The following SNTG1 variants were observed in gnomAD, a reference collection of about 807,000 sequenced individuals.
The protein encoded by SNTG1 is syntrophin gamma 1.
A neutral mutation model predicts 74.7 loss-of-function variants in SNTG1; 39 were observed. That is an observed-to-expected ratio of 0.52 (90% CI 0.40 to 0.68). The LOEUF is 0.68. Among genes scored for constraint, SNTG1 ranks in the 30% least tolerant of loss-of-function variants. SNTG1 has a pLI of 0.00. For synonymous variants in SNTG1, 254 were observed against 217.1 expected (o/e 1.17, Z -1.49); for missense variants, 685 against 609.5 (o/e 1.12, Z -1.30).
At chr8:50,244,872 C>G (rs574056768) in intron 2 of SNTG1, among the ~76,000 whole-genome samples, 25 of 152,216 alleles carry the variant, frequency 1.6e-4, no homozygotes, top group African/African-American at 5.3e-4. Flanking sequence ...TCCTATAAAC[C>G]TAATTCAAAG....
intron 1 of SNTG1, among the ~76,000 whole-genome samples, chr8:50,061,771 T>C (rs1185365757): frequency 1.3e-5 from 2 of 152,190 alleles, no homozygotes; most frequent in African/African-American, 2.4e-5. Context: ...TTTTTAAGGT[T>C]TCAGTTATTT....
chr8:50,183,746 T>A (rs2131731134), intron 2 of SNTG1, among the ~76,000 whole-genome samples: 1 of 152,298 alleles, frequency 6.6e-6, no homozygotes, highest in African/African-American at 2.4e-5. Context: ...CTTCAACTTG[T>A]GACCCCCAAA....
intron 6 of SNTG1, 152 bp from the exon 7 acceptor site, chr8:50,450,404 A>C: frequency 2.7e-6 from 2 of 752,052 alleles, no homozygotes; most frequent in South Asian, 1.9e-5. Context: ...TATTGTTTCG[A>C]ATTTCCATTT....
intron 15 of SNTG1, among the ~76,000 whole-genome samples, chr8:50,697,683 A>G (rs544826959): frequency 1.3e-5 from 2 of 152,226 alleles, no homozygotes; most frequent in Admixed American, 6.5e-5. Flanking sequence ...TTCTGTGTCT[A>G]TTGAGATGAT....
At chr8:49,974,641 G>A (rs1358139266) in intron 1 of SNTG1, among the ~76,000 whole-genome samples, 1 of 152,084 alleles carries the variant, frequency 6.6e-6, no homozygotes, top group Non-Finnish European at 1.5e-5. Flanking sequence ...GTGTGACTTT[G>A]TGGTTCCCTA....
At position 50,210,088 on chromosome 8, in the gene SNTG1, C is replaced by A. The variant is rs10110083; in HGVS notation, c.-28+37453C>A. On this transcript the variant is annotated intron_variant, in intron 2 of 18. Transcript: ENST00000642720. ...GAGAACTACGTGAAGCATGCACAAG[C>A]TTTAGTAGCTGATTTGATCAAGTGG... 8.1e-3 allele frequency among the ~76,000 whole-genome samples: 1,233 copies of A among 152,148 alleles called. 20 individuals carry two copies. The highest frequency in any genetic ancestry group is 0.029 in the African/African-American group (1,184 of 41,514).
intron 2 of SNTG1, among the ~76,000 whole-genome samples, chr8:50,210,104 G>A (rs1438070843): frequency 6.6e-6 from 1 of 152,152 alleles, no homozygotes; most frequent in Non-Finnish European, 1.5e-5. Flanking sequence ...TAGCTGATTT[G>A]ATCAAGTGGA....
chr8:50,712,269 T>C (rs1416197943), intron 17 of SNTG1, among the ~76,000 whole-genome samples: 2 of 152,132 alleles, frequency 1.3e-5, no homozygotes, highest in South Asian at 2.1e-4. Context: ...TGAGAAATCA[T>C]GTCTGTGGGT....
At chr8:50,485,701 T>G (rs1305338713) in intron 8 of SNTG1, among the ~76,000 whole-genome samples, 1 of 151,228 alleles carries the variant, frequency 6.6e-6, no homozygotes, top group Admixed American at 6.6e-5. Context: ...AATTTTGGCT[T>G]TTGTTGCCAT....
chr8:50,268,189 A>T (rs2087578256), intron 2 of SNTG1, among the ~76,000 whole-genome samples: 1 of 152,170 alleles, frequency 6.6e-6, no homozygotes, highest in South Asian at 2.1e-4. Context: ...ATTTGGTAAA[A>T]ATTTAACAAA....
intron 4 of SNTG1, among the ~76,000 whole-genome samples, chr8:50,430,704 C>T (rs1248040096): frequency 1.3e-5 from 2 of 152,274 alleles, no homozygotes; most frequent in East Asian, 3.9e-4. Flanking sequence ...ACTGTTACTC[C>T]TCAGATCCAG....
intron 3 of SNTG1, among the ~76,000 whole-genome samples, chr8:50,401,545 G>T (rs532131665): frequency 1.3e-5 from 2 of 152,202 alleles, no homozygotes; most frequent in East Asian, 3.9e-4. Context: ...AATCTGGGTA[G>T]TTTATTTCAC....
intron 15 of SNTG1, among the ~76,000 whole-genome samples, chr8:50,695,844 T>C (rs2095402939): frequency 6.6e-6 from 1 of 151,404 alleles, no homozygotes; most frequent in Non-Finnish European, 1.5e-5. Flanking sequence ...TATATATACA[T>C]ATATGTATAT....
intron 4 of SNTG1, among the ~76,000 whole-genome samples, chr8:50,406,834 A>G (rs1428941776): frequency 2.0e-5 from 3 of 152,052 alleles, no homozygotes; most frequent in African/African-American, 7.2e-5. Context: ...CTTCTGCTCT[A>G]TAACTCGCTT....
At chr8:50,773,334 C>T (rs1364058050) in intron 18 of SNTG1, among the ~76,000 whole-genome samples, 2 of 152,130 alleles carry the variant, frequency 1.3e-5, no homozygotes, top group East Asian at 3.9e-4. Context: ...CATGAATGTG[C>T]CGAGCTATGC....
chr8:50,030,570 C>A (rs2130750222), intron 1 of SNTG1, among the ~76,000 whole-genome samples: 1 of 151,824 alleles, frequency 6.6e-6, no homozygotes, highest in East Asian at 1.9e-4. Flanking sequence ...TATGGATAGC[C>A]AATTGTTCTA....
At chr8:50,119,228 A>G (rs2080920875) in intron 1 of SNTG1, among the ~76,000 whole-genome samples, 2 of 141,496 alleles carry the variant, frequency 1.4e-5, no homozygotes, top group African/African-American at 2.6e-5. Context: ...GCCCACTTTT[A>G]TATTTTATCA....
At chr8:50,545,538 ACT>A (rs899253886) in intron 11 of SNTG1, among the ~76,000 whole-genome samples, 1 of 150,104 alleles carries the variant, frequency 6.7e-6, no homozygotes, top group Non-Finnish European at 1.5e-5. Context: ...TTTGAGGAGT[ACT>A]CTCAGTGTTT....
intron 15 of SNTG1, among the ~76,000 whole-genome samples, chr8:50,670,160 C>T (rs2095272820): frequency 6.6e-6 from 1 of 152,196 alleles, no homozygotes; most frequent in Admixed American, 6.5e-5. Context: ...CTCACCACTC[C>T]TATTCAACAT....
Sources: gnomAD v4.1 joint callset for allele counts (sites outside exome capture counted in the v4.1 genomes callset) on GRCh38, gnomAD v4.1.1 for gene constraint, MANE v1.5 for transcripts, NCBI Gene and HGNC (gene_info 2026-07-23, HGNC 2026-07-21) for gene names.